The following NR3C2 variants were observed in gnomAD, a reference collection of about 807,000 sequenced individuals.
The protein encoded by NR3C2 is nuclear receptor subfamily 3 group C member 2.
In NR3C2, 15 loss-of-function variants were observed where a neutral mutation model predicts 86.4. That is an observed-to-expected ratio of 0.17 (90% CI 0.12 to 0.27). The LOEUF is 0.27. NR3C2 is among the 10% of genes least tolerant of loss of function. NR3C2 has a pLI of 1.00. For missense variants in NR3C2, 960 were observed against 1,195.6 expected, an observed-to-expected ratio of 0.80 and a Z score of 2.91; for synonymous variants, 458 against 450.5, an observed-to-expected ratio of 1.02 and a Z score of -0.21.
rs1172534557 is a variant in NR3C2 at position 148,220,533 on chromosome 4, T to G, written c.1898-25671A>C. Among the ~76,000 whole-genome samples, 3 of 152,292 alleles carry G rather than the reference T, an allele frequency of 2.0e-5. No individual in the cohort carries two copies. In the East Asian group the frequency reaches 5.8e-4, roughly 29 times the overall value. On this transcript the variant is annotated intron_variant, in intron 3 of 8. Transcript: ENST00000358102. ...TCAGAAAACATTTCCTGGCCAGGCA[T>G]GGTGGCTCGTGCCTGTAATCCCAGC...
chr4:148,268,442 T>C (rs1195403209), intron 2 of NR3C2, among the ~76,000 whole-genome samples: 1 of 152,204 alleles, frequency 6.6e-6, no homozygotes, highest in Non-Finnish European at 1.5e-5. Context: ...CAGATAAGAA[T>C]TAAAGAATTG....
chr4:148,114,268 T>C lies in NR3C2; in HGVS notation c.2642-7A>G. On this transcript the variant is annotated splice_region_variant and splice_polypyrimidine_tract_variant and intron_variant, in intron 7 of 8. Coordinates refer to ENST00000358102, the MANE Select transcript of NR3C2 (RefSeq NM_000901.5). ...TTGAGGCCATCCTTTGGAACTGTGT[T>C]AAGGAAAACAGACATGTAAATTTCC... 6.2e-7 allele frequency: 1 copy of C among 1,613,724 alleles called. No homozygotes were observed. Among genetic ancestry groups the C allele is most frequent in the South Asian group, 1.1e-5 (1 of 91,026 alleles).
At chr4:148,421,383 G>A (rs887053683) in intron 2 of NR3C2, among the ~76,000 whole-genome samples, 8 of 152,100 alleles carry the variant, frequency 5.3e-5, no homozygotes, top group Non-Finnish European at 1.2e-4. Context: ...CAGTGTATTC[G>A]TCTCTTTAAA....
At chr4:148,280,521 C>G (rs61017980) in intron 2 of NR3C2, among the ~76,000 whole-genome samples, 4,743 of 151,984 alleles carry the variant, frequency 0.031, 232 homozygotes, top group African/African-American at 0.11. Flanking sequence ...ACTTTTGAGA[C>G]AAGATCTTAC....
At position 148,303,635 on chromosome 4, in the gene NR3C2, A is replaced by C. The variant is rs966413166; in HGVS notation, c.1758-43518T>G. 4.6e-5 allele frequency among the ~76,000 whole-genome samples: 7 copies of C among 152,014 alleles called. 1 individual carries two copies. In the South Asian group the frequency reaches 1.0e-3, roughly 23 times the overall value. The stretch of plus-strand genomic sequence containing the variant: ...CCCCGAGATGCATTTTTGGTCCCAA[A>C]CTCCATTCCAAGCTTCACGTTGAAG... On this transcript the variant is annotated intron_variant, in intron 2 of 8. Coordinates refer to ENST00000358102, the MANE Select transcript of NR3C2 (RefSeq NM_000901.5).
At chr4:148,151,944 A>C (rs981568005) in intron 6 of NR3C2, among the ~76,000 whole-genome samples, 1 of 152,240 alleles carries the variant, frequency 6.6e-6, no homozygotes, top group African/African-American at 2.4e-5. Context: ...AAAATGCATC[A>C]TAAAACTAAA....
intron 2 of NR3C2, among the ~76,000 whole-genome samples, chr4:148,362,038 A>T (rs905177745): frequency 2.6e-5 from 4 of 152,160 alleles, no homozygotes; most frequent in African/African-American, 7.2e-5. Context: ...GGGGTTCACC[A>T]TGTTGGCCAG....
chr4:148,081,619 T>G, intron 8 of NR3C2, 120 bp from the exon 9 acceptor site: 1 of 1,357,938 alleles, frequency 7.4e-7, no homozygotes. Flanking sequence ...CAGGAGACCA[T>G]GTCTTCATTA....
At chr4:148,327,067 A>G (rs192486088) in intron 2 of NR3C2, among the ~76,000 whole-genome samples, 1 of 152,346 alleles carries the variant, frequency 6.6e-6, no homozygotes, top group East Asian at 1.9e-4. Flanking sequence ...AGAGTTTCAG[A>G]TCTACGTAAG....
chr4:148,301,249 T>G (rs2149922327), intron 2 of NR3C2, among the ~76,000 whole-genome samples: 1 of 152,220 alleles, frequency 6.6e-6, no homozygotes, highest in Middle Eastern at 3.4e-3. Flanking sequence ...ATTAACTGAC[T>G]TAAAGAAGGA....
intron 3 of NR3C2, among the ~76,000 whole-genome samples, chr4:148,245,885 A>G (rs1449462359): frequency 1.3e-5 from 2 of 152,206 alleles, no homozygotes; most frequent in Non-Finnish European, 2.9e-5. Context: ...TGACAGAACT[A>G]TTTTACTATA....
At chr4:148,278,391 C>A (rs139993688) in intron 2 of NR3C2, among the ~76,000 whole-genome samples, 2 of 152,088 alleles carry the variant, frequency 1.3e-5, no homozygotes, top group African/African-American at 2.4e-5. Context: ...TGAGCCACTA[C>A]GCCCAGCCCA....
chr4:148,321,458 G>A (rs899555956), intron 2 of NR3C2, among the ~76,000 whole-genome samples: 10 of 151,528 alleles, frequency 6.6e-5, no homozygotes, highest in Middle Eastern at 3.4e-3. Context: ...TCTTTGATCC[G>A]TCTAATGTTG....
At chr4:148,366,617 CAT>C (rs1381702822) in intron 2 of NR3C2, among the ~76,000 whole-genome samples, 2 of 151,882 alleles carry the variant, frequency 1.3e-5, no homozygotes, top group African/African-American at 4.8e-5. Context: ...AATGAAACAA[CAT>C]GTCTCTATTC....
chr4:148,306,067 C>T (rs1213822810), intron 2 of NR3C2, among the ~76,000 whole-genome samples: 1 of 152,154 alleles, frequency 6.6e-6, no homozygotes, highest in African/African-American at 2.4e-5. Flanking sequence ...CATACCACTG[C>T]CTTATATTTG....
At chr4:148,317,290 G>C (rs1030311645) in intron 2 of NR3C2, among the ~76,000 whole-genome samples, 1 of 151,612 alleles carries the variant, frequency 6.6e-6, no homozygotes, top group Non-Finnish European at 1.5e-5. Flanking sequence ...GGGAGGTGGA[G>C]GTTGTGGTGA....
intron 2 of NR3C2, among the ~76,000 whole-genome samples, chr4:148,261,284 CGCT>C (rs1740093126): frequency 8.4e-6 from 1 of 119,656 alleles, no homozygotes; most frequent in African/African-American, 3.1e-5. Flanking sequence ...CTATGGTAAG[CGCT>C]ATGGTAAGTG....
At chr4:148,407,661 T>C (rs906608392) in intron 2 of NR3C2, among the ~76,000 whole-genome samples, 3 of 132,286 alleles carry the variant, frequency 2.3e-5, no homozygotes, top group African/African-American at 8.6e-5. Context: ...TCTAAATGAA[T>C]GTAAATCACT....
chr4:148,161,096 A>G (rs1001125313), intron 4 of NR3C2, among the ~76,000 whole-genome samples: 1 of 151,464 alleles, frequency 6.6e-6, no homozygotes, highest in Non-Finnish European at 1.5e-5. Flanking sequence ...GTCCCAGGGC[A>G]ATAAATAATT....
Sources: gnomAD v4.1 joint callset for allele counts (sites outside exome capture counted in the v4.1 genomes callset) on GRCh38, gnomAD v4.1.1 for gene constraint, MANE v1.5 for transcripts, NCBI Gene and HGNC (gene_info 2026-07-23, HGNC 2026-07-21) for gene names.